Variants in PDE4DIP observed in about 807,000 individuals in gnomAD.
PDE4DIP encodes the protein myomegalin.
PDE4DIP carries 59 observed loss-of-function variants against 221.4 expected under a neutral mutation model. The observed-to-expected ratio is 0.27, with a 90% CI of 0.22 to 0.33. The LOEUF (loss-of-function observed/expected upper bound fraction) is 0.33. Among genes scored for constraint, PDE4DIP ranks in the 10% least tolerant of loss-of-function variants. The probability of loss-of-function intolerance (pLI) is 1.00; values close to 1 mark genes in which losing one functional copy is unlikely to be tolerated. For synonymous variants in PDE4DIP, 404 were observed against 815.9 expected (o/e 0.50, Z 8.60); for missense variants, 1,036 against 2,154.2 (o/e 0.48, Z 10.28).
intron 16 of PDE4DIP, among the ~76,000 whole-genome samples, chr1:148,972,955 A>C (rs1440671357): frequency 8.1e-6 from 1 of 123,700 alleles, no homozygotes; most frequent in African/African-American, 3.2e-5. Context: ...ACTTGACATC[A>C]CCTACTAATG....
intron 43 of PDE4DIP, chr1:149,031,225 G>A (rs1553637132): frequency 1.0e-6 from 1 of 988,040 alleles, no homozygotes; most frequent in Non-Finnish European, 1.2e-6. Context: ...CCCAGAAAAG[G>A]TAATCCAAAA....
intron 21 of PDE4DIP, chr1:148,981,617 A>G (rs1275613056): frequency 1.9e-6 from 1 of 521,038 alleles, no homozygotes; most frequent in Non-Finnish European, 3.5e-6. Flanking sequence ...CTCACTGTAC[A>G]TACATATCAA....
At chr1:148,959,747 G>T (rs1312430149) in intron 5 of PDE4DIP, among the ~76,000 whole-genome samples, 1 of 151,336 alleles carries the variant, frequency 6.6e-6, no homozygotes, top group Non-Finnish European at 1.5e-5. Flanking sequence ...TAAGTGAATT[G>T]ATATTCCTAT....
At chr1:148,922,973 T>A (rs1405226932) in intron 1 of PDE4DIP, among the ~76,000 whole-genome samples, 2 of 141,214 alleles carry the variant, frequency 1.4e-5, no homozygotes, top group Non-Finnish European at 3.0e-5. Flanking sequence ...AGTTTCGCTC[T>A]GTCACCCCGG....
At chr1:148,970,880 A>G (rs1377514423) in intron 14 of PDE4DIP, among the ~76,000 whole-genome samples, 5 of 152,208 alleles carry the variant, frequency 3.3e-5, no homozygotes, top group Non-Finnish European at 7.3e-5. Context: ...CCCAAATTTT[A>G]CTTACTGAAA....
intron 5 of PDE4DIP, among the ~76,000 whole-genome samples, chr1:148,948,074 T>A (rs587766215): frequency 7.0e-6 from 1 of 143,568 alleles, no homozygotes; most frequent in Non-Finnish European, 1.5e-5. Flanking sequence ...ACATATTTCA[T>A]TGTAGATTAG....
At chr1:149,017,993 G>A (rs1342321023) in intron 34 of PDE4DIP, 114 bp downstream of exon 37, 11 of 899,596 alleles carry the variant, frequency 1.2e-5, no homozygotes, top group Admixed American at 2.2e-5. Flanking sequence ...CAAGGGAGGT[G>A]GGCAAGTACT....
chr1:148,952,089 G>A lies in PDE4DIP; in HGVS notation c.637-8565G>A, dbSNP rs587634524. ...GAGGGGATTCGTCTTTCTCCTCCCC[G>A]CGAGGAGGAGCCTCGACATCCTGCA... is the stretch of plus-strand genomic sequence containing the variant. On this transcript the variant is annotated intron_variant, in intron 5 of 43. Transcript: ENST00000369354. 35 of 1,017,490 alleles carry A rather than the reference G, an allele frequency of 3.4e-5. No homozygotes were observed. In the African/African-American group the frequency reaches 4.8e-4, roughly 14 times the overall value. The allele number at this position is 1,017,490 out of a possible 1,614,324, so 63.0% of individuals were successfully genotyped here.
chr1:148,953,575 A>G (rs1366334953), intron 5 of PDE4DIP: 11 of 1,613,350 alleles, frequency 6.8e-6, no homozygotes, highest in African/African-American at 1.3e-5. Context: ...AGAGAAGTGC[A>G]AAGGAACTTG....
At chr1:149,028,050 AGAGG>A (rs1194192484) in intron 40 of PDE4DIP, among the ~76,000 whole-genome samples, 4 of 137,798 alleles carry the variant, frequency 2.9e-5, no homozygotes, top group Non-Finnish European at 6.2e-5. Context: ...CAGACTGCAT[AGAGG>A]GAGGGAAGGC....
intron 5 of PDE4DIP, among the ~76,000 whole-genome samples, chr1:148,946,203 A>G (rs1249085794): frequency 2.0e-5 from 3 of 150,222 alleles, no homozygotes; most frequent in African/African-American, 7.3e-5. Flanking sequence ...TTGCTCTGCA[A>G]AAGTTCCAGA....
intron 33 of PDE4DIP, among the ~76,000 whole-genome samples, chr1:149,017,365 CAGTA>C (rs2071007858): frequency 6.6e-6 from 1 of 152,280 alleles, no homozygotes; most frequent in Non-Finnish European, 1.5e-5. Flanking sequence ...ACTCACGTGT[CAGTA>C]AGAAGAAAGG....
intron 35 of PDE4DIP, 66 bp downstream of exon 38, chr1:149,018,727 C>A: frequency 2.9e-6 from 2 of 701,628 alleles, no homozygotes; most frequent in South Asian, 1.8e-5. Flanking sequence ...CCACACTAAT[C>A]ACCAACTGGA....
At chr1:148,821,073 G>C (rs10910727) in intron 1 of PDE4DIP, among the ~76,000 whole-genome samples, 3 of 149,686 alleles carry the variant, frequency 2.0e-5, no homozygotes, top group African/African-American at 7.5e-5. Context: ...GGATGGTCTC[G>C]ATCTCCTGAC....
intron 37 of PDE4DIP, chr1:149,024,094 C>T: frequency 6.5e-6 from 1 of 154,440 alleles, no homozygotes; most frequent in East Asian, 2.0e-4. Context: ...TCCTCATCCC[C>T]TACCCTTCTC....
intron 43 of PDE4DIP, chr1:149,030,522 T>C (rs1360571781): frequency 1.1e-6 from 1 of 935,946 alleles, no homozygotes; most frequent in Admixed American, 6.2e-5. Flanking sequence ...ATCTCTCCTT[T>C]TTACTCCAAT....
At chr1:148,937,722 T>C in intron 4 of PDE4DIP, 25 bp from the exon 8 acceptor site, 1 of 1,233,454 alleles carries the variant, frequency 8.1e-7, no homozygotes, top group South Asian at 1.2e-5. Context: ...TCATAATTAC[T>C]GTCCTTACTT....
At chr1:148,937,198 T>C (rs2798882) in intron 4 of PDE4DIP, among the ~76,000 whole-genome samples, 2 of 152,180 alleles carry the variant, frequency 1.3e-5, no homozygotes, top group Non-Finnish European at 2.9e-5. Flanking sequence ...ATAATCTTAT[T>C]GGACCATCAT....
At chr1:148,946,540 CAAAA>C (rs67877634) in intron 5 of PDE4DIP, among the ~76,000 whole-genome samples, 4 of 109,774 alleles carry the variant, frequency 3.6e-5, no homozygotes, top group Non-Finnish European at 1.8e-5. Flanking sequence ...GACTTCGTCT[CAAAA>C]AAAAAAAAAA....
Sources: allele counts gnomAD v4.1 joint callset (sites outside exome capture counted in the v4.1 genomes callset), GRCh38; gene constraint gnomAD v4.1.1; transcripts MANE v1.5; gene names NCBI Gene and HGNC (gene_info 2026-07-23, HGNC 2026-07-21).